The following RC3H1 variants were observed in gnomAD, a reference collection of about 807,000 sequenced individuals.
RC3H1 encodes the protein ring finger and CCCH-type domains 1.
A neutral mutation model predicts 138.2 loss-of-function variants in RC3H1; 50 were observed. The ratio of observed to expected loss-of-function variants is 0.36; its 90% CI spans 0.29 to 0.46. The LOEUF (loss-of-function observed/expected upper bound fraction) is 0.46, where lower values mean the gene tolerates loss of function less well. RC3H1 is among the 20% of genes least tolerant of loss of function. RC3H1 has a pLI of 1.00. For synonymous variants in RC3H1, 462 were observed against 489.1 expected, an observed-to-expected ratio of 0.94 and a Z score of 0.73; for missense variants, 1,031 against 1,388.1, an observed-to-expected ratio of 0.74 and a Z score of 4.09.
At chr1:173,970,304 C>A (rs1012440087) in intron 9 of RC3H1, among the ~76,000 whole-genome samples, 2 of 152,156 alleles carry the variant, frequency 1.3e-5, no homozygotes, top group African/African-American at 4.8e-5. Context: ...GAATTTTCAA[C>A]TTGTGGTGTC....
At chr1:173,969,779 G>A (rs950541465) in intron 9 of RC3H1, among the ~76,000 whole-genome samples, 2 of 151,662 alleles carry the variant, frequency 1.3e-5, no homozygotes, top group Non-Finnish European at 2.9e-5. Flanking sequence ...TCAATGAGCT[G>A]AAAAATTTAA....
At chr1:174,013,482 G>A (rs748615706) in intron 1 of RC3H1, among the ~76,000 whole-genome samples, 2 of 151,076 alleles carry the variant, frequency 1.3e-5, no homozygotes, top group East Asian at 1.9e-4. Flanking sequence ...TCACTCTGTC[G>A]CCAGGCTGGA....
intron 1 of RC3H1, among the ~76,000 whole-genome samples, chr1:174,008,808 C>T (rs1297079279): frequency 6.6e-6 from 1 of 151,956 alleles, no homozygotes; most frequent in African/African-American, 2.4e-5. Flanking sequence ...GAAACGCCAT[C>T]TCTACTAAAT....
intron 2 of RC3H1, among the ~76,000 whole-genome samples, chr1:173,988,352 C>CT (rs1417053757): frequency 7.9e-5 from 12 of 152,172 alleles, no homozygotes; most frequent in African/African-American, 2.7e-4. Flanking sequence ...ATACTGGTAT[C>CT]TTTCACTTAG....
intron 3 of RC3H1, among the ~76,000 whole-genome samples, chr1:173,983,887 C>T (rs1431646051): frequency 6.6e-6 from 1 of 152,006 alleles, no homozygotes; most frequent in African/African-American, 2.4e-5. Context: ...TTCATTATGA[C>T]ATTAAATATA....
chr1:174,012,125 G>A (rs369947131), intron 1 of RC3H1, among the ~76,000 whole-genome samples: 2 of 129,354 alleles, frequency 1.5e-5, no homozygotes, highest in East Asian at 2.1e-4. Flanking sequence ...GGTGGCAGGG[G>A]TGGCCTGAGG....
intron 3 of RC3H1, among the ~76,000 whole-genome samples, chr1:173,983,924 A>C (rs1356889961): frequency 1.3e-5 from 2 of 152,234 alleles, no homozygotes; most frequent in Non-Finnish European, 2.9e-5. Flanking sequence ...TCATAGAGGA[A>C]GAAAGAAAAA....
rs1441623716 is a variant in RC3H1, at chr1:174,022,137, C to T, written c.-192G>A. ...GCAGCTCCTCTCAGCTCCGAGTCCCCGCGGCCGTCGCCACCGCCGCGGCAG... is the reference window on the plus strand; with the variant it reads ...GCAGCTCCTCTCAGCTCCGAGTCCCTGCGGCCGTCGCCACCGCCGCGGCAG... On this transcript the variant is annotated 5_prime_UTR_variant, in exon 1 of 20. Transcript: ENST00000367696. This position sits in a 1 kb window ranked among gnomAD's most constrained non-coding sequence, Gnocchi z 4.2. 5.0e-6 allele frequency: 2 copies of T among 396,574 alleles called. No individual in the cohort carries two copies. Among genetic ancestry groups the T allele is most frequent in the Non-Finnish European group, 4.4e-6 (1 of 225,310 alleles). The allele number at this position is 396,574 out of a possible 1,614,324, so 24.6% of individuals were successfully genotyped here. A position where few individuals can be genotyped will look rare whatever the true frequency, so the allele number is the denominator to read the frequency against.
intron 14 of RC3H1, 35 bp from the exon 15 acceptor site, chr1:173,947,617 C>T (rs1466225681): frequency 6.5e-7 from 1 of 1,528,706 alleles, no homozygotes; most frequent in Admixed American, 1.7e-5. Context: ...TTACCCCACA[C>T]TCAGATCGCT....
At chr1:174,016,336 G>GA (rs1277072473) in intron 1 of RC3H1, 2 of 149,734 alleles carry the variant, frequency 1.3e-5, no homozygotes, top group East Asian at 1.9e-4. Flanking sequence ...ACATTTTCCT[G>GA]AAAAAAATTA....
intron 4 of RC3H1, 33 bp from the exon 5 acceptor site, chr1:173,982,935 A>G (rs1418149808): frequency 5.1e-6 from 8 of 1,568,896 alleles, no homozygotes; most frequent in Non-Finnish European, 7.0e-6. Flanking sequence ...AAAATTTATC[A>G]AGTACATAGA....
Position 173,993,053 on chromosome 1 carries a change from T to G in RC3H1, c.-68A>C. 8.5e-7 allele frequency: 1 copy of G among 1,169,648 alleles called. No homozygotes were observed. Among genetic ancestry groups the G allele is most frequent in the African/African-American group, 1.6e-5 (1 of 64,262 alleles). 72.5% of individuals were successfully genotyped at this position (1,169,648 alleles called of 1,614,324 possible). A position where few individuals can be genotyped will look rare whatever the true frequency, so the allele number is the denominator to read the frequency against. ...ATCTAAAGCAAAGATTCCACTGGAA[T>G]CAAAATCTTTGAAAAAAAGTTTATC... On this transcript the variant is annotated 5_prime_UTR_variant, in exon 2 of 20. Coordinates refer to ENST00000367696, the MANE Select transcript of RC3H1 (RefSeq NM_172071.4).
intron 1 of RC3H1, among the ~76,000 whole-genome samples, chr1:174,013,805 C>G (rs1458375343): frequency 6.6e-6 from 1 of 151,970 alleles, no homozygotes; most frequent in Admixed American, 6.6e-5. Flanking sequence ...GGGCCAGGCA[C>G]AGTGGCTCAC....
intron 5 of RC3H1, among the ~76,000 whole-genome samples, 190 bp from the exon 6 acceptor site, chr1:173,981,199 G>C (rs1202521081): frequency 6.6e-6 from 1 of 152,166 alleles, no homozygotes; most frequent in Non-Finnish European, 1.5e-5. Flanking sequence ...TCTGAGTCAA[G>C]TTGGATTTAG....
At chr1:173,984,170 T>C (rs1660931633) in intron 3 of RC3H1, among the ~76,000 whole-genome samples, 1 of 152,224 alleles carries the variant, frequency 6.6e-6, no homozygotes, top group South Asian at 2.1e-4. Flanking sequence ...AAGTAAGTAG[T>C]TATATTTGCT....
At chr1:173,951,322 T>C (rs1571177724) in intron 14 of RC3H1, among the ~76,000 whole-genome samples, 1 of 148,342 alleles carries the variant, frequency 6.7e-6, no homozygotes, top group Non-Finnish European at 1.5e-5. Flanking sequence ...TGAAACTCCA[T>C]CCCCCCCCCA....
At chr1:173,984,447 G>A in intron 3 of RC3H1, 52 bp downstream of exon 3, 2 of 1,567,738 alleles carry the variant, frequency 1.3e-6, no homozygotes, top group South Asian at 1.2e-5. Flanking sequence ...TATGTACTGA[G>A]TATTTAAAAA....
At chr1:174,013,251 A>G (rs1236505001) in intron 1 of RC3H1, among the ~76,000 whole-genome samples, 1 of 152,032 alleles carries the variant, frequency 6.6e-6, no homozygotes, top group Non-Finnish European at 1.5e-5. Context: ...TCATATAAAC[A>G]GGAAAGTTCT....
At chr1:173,983,367 T>C in intron 4 of RC3H1, 51 bp downstream of exon 4, 1 of 1,597,908 alleles carries the variant, frequency 6.3e-7, no homozygotes, top group Non-Finnish European at 8.6e-7. Flanking sequence ...AATTCCTACA[T>C]CATACTTTTA....
Sources: allele counts gnomAD v4.1 joint callset (sites outside exome capture counted in the v4.1 genomes callset), GRCh38; gene constraint gnomAD v4.1.1; non-coding constraint Gnocchi (gnomAD v3.1); transcripts MANE v1.5; gene names NCBI Gene and HGNC (gene_info 2026-07-23, HGNC 2026-07-21).